Variants in SRGAP1 observed in about 807,000 individuals in gnomAD.
SRGAP1 encodes the protein SLIT-ROBO Rho GTPase-activating protein 1.
SRGAP1 carries 43 observed loss-of-function variants against 121.9 expected under a neutral mutation model. The observed-to-expected ratio is 0.35, with a 90% CI of 0.28 to 0.46. The LOEUF (loss-of-function observed/expected upper bound fraction) is 0.46. SRGAP1 is among the 20% of genes least tolerant of loss of function. SRGAP1 has a pLI of 1.00. For missense variants in SRGAP1, 1,102 were observed against 1,350.9 expected (o/e 0.82, Z 2.89); for synonymous variants, 447 against 485.4 (o/e 0.92, Z 1.04).
intron 15 of SRGAP1, among the ~76,000 whole-genome samples, chr12:64,104,465 C>CAAA (rs1470116662): frequency 2.6e-5 from 4 of 152,170 alleles, no homozygotes; most frequent in African/African-American, 9.7e-5. Context: ...CCCATCTTTC[C>CAAA]CTCCAGCATG....
intron 1 of SRGAP1, among the ~76,000 whole-genome samples, chr12:63,941,538 T>C (rs1188041960): frequency 6.6e-6 from 1 of 152,178 alleles, no homozygotes; most frequent in Non-Finnish European, 1.5e-5. Context: ...TAACTGGGAT[T>C]TTATTTTAGA....
At position 63,892,000 on chromosome 12, in the gene SRGAP1, GAAAAAAA is replaced by G. The variant is rs1390141260; in HGVS notation, c.67+47118_67+47124del. Among the ~76,000 whole-genome samples the G allele has an allele frequency of 3.8e-5, 5 of 133,092 alleles. No homozygotes were observed. The South Asian group carries it at 7.2e-4, about 19-fold the overall frequency. 87.3% of individuals were successfully genotyped at this position (133,092 alleles called of 152,430 possible). On this transcript the variant is annotated intron_variant, in intron 1 of 21. Coordinates refer to ENST00000355086, the MANE Select transcript of SRGAP1 (RefSeq NM_020762.4). Reference sequence around the variant, plus strand: ...GACTGTCTCAAAAAAAAAAAAAAAAGAAAAAAAGAAAAAAGAAAAGAGATGAAGGTCG... The same window carrying G: ...GACTGTCTCAAAAAAAAAAAAAAAAGGAAAAAAGAAAAGAGATGAAGGTCG...
At chr12:63,948,879 T>A (rs1461860559) in intron 1 of SRGAP1, among the ~76,000 whole-genome samples, 20 of 84,370 alleles carry the variant, frequency 2.4e-4, no homozygotes, top group African/African-American at 9.1e-4. Context: ...ATATATATAT[T>A]TTCCATATAT....
chr12:64,096,944 G>C (rs2036166610), intron 14 of SRGAP1, among the ~76,000 whole-genome samples: 1 of 152,134 alleles, frequency 6.6e-6, no homozygotes, highest in South Asian at 2.1e-4. Context: ...CTTAAAAAAA[G>C]TGGGGGTTGG....
chr12:63,988,096 G>A lies in SRGAP1; in HGVS notation c.264-1814G>A, dbSNP rs145651412. ...ACATGGATATTACTTTTCACAGTAAGTGCTCATTAAATGATAGCTATTATT... is the reference window on the plus strand; with the variant it reads ...ACATGGATATTACTTTTCACAGTAAATGCTCATTAAATGATAGCTATTATT... On this transcript the variant is annotated intron_variant, in intron 2 of 21. Transcript: ENST00000355086. Among the ~76,000 whole-genome samples, 345 of 152,242 alleles carry A rather than the reference G, an allele frequency of 2.3e-3. 2 individuals are homozygous for A. Among genetic ancestry groups the A allele is most frequent in the African/African-American group, 8.1e-3 (337 of 41,550 alleles).
chr12:63,885,081 C>G (rs763100148), intron 1 of SRGAP1, among the ~76,000 whole-genome samples: 3 of 151,956 alleles, frequency 2.0e-5, no homozygotes, highest in Non-Finnish European at 2.9e-5. Flanking sequence ...AGGAAAAACT[C>G]TCAAACTGTT....
At chr12:63,915,223 A>G (rs2030721141) in intron 1 of SRGAP1, among the ~76,000 whole-genome samples, 1 of 152,230 alleles carries the variant, frequency 6.6e-6, no homozygotes, top group Non-Finnish European at 1.5e-5. Flanking sequence ...AGCAACATGA[A>G]GAGCATCAAT....
At chr12:64,094,482 T>C (rs907374910) in intron 12 of SRGAP1, among the ~76,000 whole-genome samples, 1 of 152,182 alleles carries the variant, frequency 6.6e-6, no homozygotes, top group Non-Finnish European at 1.5e-5. Flanking sequence ...TATGCATCTA[T>C]AGATATATAG....
intron 15 of SRGAP1, among the ~76,000 whole-genome samples, chr12:64,104,826 G>A (rs2036315325): frequency 6.6e-6 from 1 of 151,958 alleles, no homozygotes; most frequent in Admixed American, 6.6e-5. Flanking sequence ...TGTCACTTAT[G>A]TCCTTGTTGC....
chr12:63,990,289 T>A (rs1470595199), intron 3 of SRGAP1, among the ~76,000 whole-genome samples: 2 of 152,268 alleles, frequency 1.3e-5, no homozygotes, highest in East Asian at 3.9e-4. Flanking sequence ...ATCCCAGCAC[T>A]TTGGGAGGCT....
At chr12:63,874,617 T>C (rs1257191518) in intron 1 of SRGAP1, among the ~76,000 whole-genome samples, 1 of 152,136 alleles carries the variant, frequency 6.6e-6, no homozygotes, top group Non-Finnish European at 1.5e-5. Context: ...ATTACAATTA[T>C]TATTTCTGAG....
In SRGAP1 at chr12:64,157,439, G is replaced by A. The variant is rs934837193; in HGVS notation, c.*14767G>A. On this transcript the variant is annotated 3_prime_UTR_variant, in exon 22 of 22. Coordinates refer to ENST00000355086, the MANE Select transcript of SRGAP1 (RefSeq NM_020762.4). ...CCATTTTTTTGTCGCTGCCACACTG[G>A]AAATGGGATAGAATATCGTATAGCT... The A allele has an allele frequency of 6.6e-5, 10 of 151,850 alleles. No individual in the cohort carries two copies. The highest frequency in any genetic ancestry group is 8.8e-5 in the Non-Finnish European group (6 of 67,948). 9.4% of individuals were successfully genotyped at this position (151,850 alleles called of 1,614,324 possible). A position where few individuals can be genotyped will look rare whatever the true frequency, so the allele number is the denominator to read the frequency against.
At chr12:64,100,884 C>T (rs1400785654) in intron 15 of SRGAP1, among the ~76,000 whole-genome samples, 1 of 152,072 alleles carries the variant, frequency 6.6e-6, no homozygotes, top group East Asian at 1.9e-4. Flanking sequence ...CATAATACAT[C>T]TTTTATCATT....
At chr12:63,952,280 G>A (rs2072708557) in intron 1 of SRGAP1, among the ~76,000 whole-genome samples, 2 of 152,220 alleles carry the variant, frequency 1.3e-5, no homozygotes, top group South Asian at 2.1e-4. Flanking sequence ...GGGAGGCCAA[G>A]GCAGGAGGAT....
intron 6 of SRGAP1, among the ~76,000 whole-genome samples, chr12:64,052,439 C>T (rs2035254120): frequency 6.6e-6 from 1 of 151,934 alleles, no homozygotes; most frequent in African/African-American, 2.4e-5. Flanking sequence ...CCTATAATCC[C>T]AGCTACTCAG....
chr12:64,017,242 C>T (rs1410584469), intron 4 of SRGAP1, among the ~76,000 whole-genome samples: 2 of 152,156 alleles, frequency 1.3e-5, no homozygotes, highest in Admixed American at 6.5e-5. Context: ...TGTCTGTCTA[C>T]GTACACATGT....
chr12:63,903,303 C>G (rs2030024848), intron 1 of SRGAP1, among the ~76,000 whole-genome samples: 1 of 152,010 alleles, frequency 6.6e-6, no homozygotes, highest in East Asian at 1.9e-4. Flanking sequence ...ACCTCCAGCT[C>G]CTGGGTTCAG....
rs2037120316 is a variant in SRGAP1, at chr12:64,151,546, T to C, written c.*8874T>C. On this transcript the variant is annotated 3_prime_UTR_variant, in exon 22 of 22. Transcript: ENST00000355086. ...CACTGGGTCAGAGGATGCAATTATC[T>C]GTAAGGCTCATGACAAATATTGCCG... 1 of 152,198 alleles carries C rather than the reference T, an allele frequency of 6.6e-6. No homozygotes were observed. The highest frequency in any genetic ancestry group is 1.5e-5 in the Non-Finnish European group (1 of 68,036). 9.4% of individuals were successfully genotyped at this position (152,198 alleles called of 1,614,324 possible). A position where few individuals can be genotyped will look rare whatever the true frequency, so the allele number is the denominator to read the frequency against.
At chr12:64,116,317 A>T (rs983354337) in intron 18 of SRGAP1, among the ~76,000 whole-genome samples, 2 of 151,968 alleles carry the variant, frequency 1.3e-5, no homozygotes, top group Admixed American at 1.3e-4. Flanking sequence ...TAAGGTATAA[A>T]AAATAACATT....
Sources: allele counts gnomAD v4.1 joint callset (sites outside exome capture counted in the v4.1 genomes callset), GRCh38; gene constraint gnomAD v4.1.1; transcripts MANE v1.5; gene names NCBI Gene and HGNC (gene_info 2026-07-23, HGNC 2026-07-21).